Variants in DRC11 observed in about 807,000 individuals in gnomAD.
DRC11 encodes dynein regulatory complex subunit 11.
At chr2:236,356,975 ATTCATATATT>A in the DRC11 span, among the ~76,000 whole-genome samples, 1 of 95,896 alleles carries the variant, frequency 1.0e-5, no homozygotes, top group South Asian at 3.0e-4. Flanking sequence ...TATATTATAT[ATTCATATATT>A]ATATATCTAT....
At chr2:236,368,084 AAAGTT>A in the DRC11 span, 8 of 740,646 alleles carry the variant, frequency 1.1e-5, no homozygotes, top group Admixed American at 1.6e-4. Context: ...CTCAGTAGGA[AAAGTT>A]AAGGAGCACT....
the DRC11 span, among the ~76,000 whole-genome samples, chr2:236,389,394 C>T: frequency 1.3e-5 from 2 of 152,320 alleles, no homozygotes; most frequent in South Asian, 2.1e-4. Flanking sequence ...GTCGGAAAAG[C>T]GCAGTATTCG....
the DRC11 span, among the ~76,000 whole-genome samples, chr2:236,400,538 C>T: frequency 2.3e-3 from 355 of 152,336 alleles, no homozygotes; most frequent in Non-Finnish European, 3.8e-3. The surrounding 1 kb of genome is among the most constrained non-coding windows in gnomAD (Gnocchi z 7.9). Flanking sequence ...GTCTGGTTTC[C>T]GATGACCACT....
the DRC11 span, among the ~76,000 whole-genome samples, chr2:236,329,854 T>C: frequency 9.8e-5 from 15 of 152,316 alleles, no homozygotes; most frequent in African/African-American, 3.4e-4. Context: ...GTGAAGCATA[T>C]GCATTCTCAT....
chr2:236,375,716 T>C, the DRC11 span, among the ~76,000 whole-genome samples: 2 of 152,062 alleles, frequency 1.3e-5, no homozygotes, highest in Non-Finnish European at 2.9e-5. The surrounding 1 kb of genome is among the most constrained non-coding windows in gnomAD (Gnocchi z 4.2). Flanking sequence ...TCAATGTAAA[T>C]ACCAGGATGG....
the DRC11 span, among the ~76,000 whole-genome samples, chr2:236,402,341 T>C: frequency 3.4e-3 from 519 of 152,338 alleles, 4 homozygotes; most frequent in African/African-American, 0.012. The surrounding 1 kb of genome is among the most constrained non-coding windows in gnomAD (Gnocchi z 6.0). Context: ...CTGTGGTCTA[T>C]TCCCCTGTGA....
At chr2:236,461,282 G>A in the DRC11 span, among the ~76,000 whole-genome samples, 71 of 152,020 alleles carry the variant, frequency 4.7e-4, 2 homozygotes, top group African/African-American at 1.5e-3. This position sits in a 1 kb window ranked among gnomAD's most constrained non-coding sequence, Gnocchi z 4.0. Context: ...GGAAAGTTTC[G>A]GATAAGGGAA....
the DRC11 span, among the ~76,000 whole-genome samples, chr2:236,307,388 T>C: frequency 1.3e-5 from 2 of 152,256 alleles, no homozygotes; most frequent in East Asian, 1.9e-4. This position sits in a 1 kb window ranked among gnomAD's most constrained non-coding sequence, Gnocchi z 7.0. Flanking sequence ...AGGAGGGAGA[T>C]GGCAGAGGCC....
chr2:236,506,009 T>C, the DRC11 span, among the ~76,000 whole-genome samples: 3 of 152,214 alleles, frequency 2.0e-5, no homozygotes, highest in African/African-American at 4.8e-5. This position sits in a 1 kb window ranked among gnomAD's most constrained non-coding sequence, Gnocchi z 4.9. Flanking sequence ...TTCTATCTCA[T>C]CATACCACTG....
chr2:236,497,507 T>G, the DRC11 span: 1 of 1,547,106 alleles, frequency 6.5e-7, no homozygotes, highest in Non-Finnish European at 8.8e-7. The surrounding 1 kb of genome is among the most constrained non-coding windows in gnomAD (Gnocchi z 5.1). Context: ...GAGAGAGAAT[T>G]TAGATGATAC....
chr2:236,357,390 T>C, the DRC11 span, among the ~76,000 whole-genome samples: 1 of 114,012 alleles, frequency 8.8e-6, no homozygotes, highest in African/African-American at 4.2e-5. Flanking sequence ...AGTATAGATA[T>C]TATATAGTAT....
At chr2:236,442,675 C>T in the DRC11 span, among the ~76,000 whole-genome samples, 84 of 152,128 alleles carry the variant, frequency 5.5e-4, no homozygotes, top group Non-Finnish European at 1.1e-3. Context: ...TGGGTGTTCC[C>T]ACAGTTGATA....
chr2:236,342,308 A>G, the DRC11 span, among the ~76,000 whole-genome samples: 21 of 152,278 alleles, frequency 1.4e-4, no homozygotes, highest in African/African-American at 4.8e-4. The surrounding 1 kb of genome is among the most constrained non-coding windows in gnomAD (Gnocchi z 5.8). Flanking sequence ...GGTGGGAGGA[A>G]GGACTAGGCT....
chr2:236,423,935 G>A, the DRC11 span, among the ~76,000 whole-genome samples: 2 of 151,734 alleles, frequency 1.3e-5, no homozygotes, highest in Admixed American at 6.6e-5. Context: ...ATCATTCTGC[G>A]CAAACTATCG....
chr2:236,442,563 AATC>A, the DRC11 span, among the ~76,000 whole-genome samples: 1 of 152,120 alleles, frequency 6.6e-6, no homozygotes, highest in Non-Finnish European at 1.5e-5. Context: ...GTCACATGAA[AATC>A]CATGGATTTG....
chr2:236,489,578 G>C, the DRC11 span, among the ~76,000 whole-genome samples: 15 of 152,260 alleles, frequency 9.9e-5, no homozygotes, highest in East Asian at 2.7e-3. Context: ...TGGCTTGGGG[G>C]GTGTCCATGC....
At chr2:236,317,010 G>T in the DRC11 span, among the ~76,000 whole-genome samples, 1,289 of 152,184 alleles carry the variant, frequency 8.5e-3, 19 homozygotes, top group African/African-American at 0.03. This position sits in a 1 kb window ranked among gnomAD's most constrained non-coding sequence, Gnocchi z 5.4. Flanking sequence ...AATCATAGGC[G>T]CTCAGCCGGG....
chr2:236,377,106 T>C, the DRC11 span: 2 of 1,588,320 alleles, frequency 1.3e-6, no homozygotes, highest in East Asian at 2.2e-5. This position sits in a 1 kb window ranked among gnomAD's most constrained non-coding sequence, Gnocchi z 4.9. Context: ...TACTCACCAA[T>C]GTAATCAGAG....
the DRC11 span, among the ~76,000 whole-genome samples, chr2:236,487,300 A>G: frequency 6.6e-6 from 1 of 152,208 alleles, no homozygotes; most frequent in Non-Finnish European, 1.5e-5. Flanking sequence ...ACAACTTTAT[A>G]TTCCCACAGA....
Sources: gnomAD v4.1 joint callset for allele counts (sites outside exome capture counted in the v4.1 genomes callset) on GRCh38, gnomAD v4.1.1 for gene constraint, Gnocchi (gnomAD v3.1) non-coding constraint, MANE v1.5 for transcripts, NCBI Gene and HGNC (gene_info 2026-07-23, HGNC 2026-07-21) for gene names.